The following PCDH7 variants were observed in gnomAD, a reference collection of about 807,000 sequenced individuals.
PCDH7 encodes protocadherin-7.
In PCDH7, 17 loss-of-function variants were observed where a neutral mutation model predicts 58.9. That is an observed-to-expected ratio of 0.29 (90% confidence interval 0.20 to 0.43). The LOEUF is 0.43. Among genes scored for constraint, PCDH7 ranks in the 20% least tolerant of loss-of-function variants. The pLI is 1.00. For missense variants in PCDH7, 1,274 were observed against 1,441.0 expected, an observed-to-expected ratio of 0.88 and a Z score of 1.88; for synonymous variants, 664 against 616.4, an observed-to-expected ratio of 1.08 and a Z score of -1.14.
At chr4:31,014,705 A>G (rs1490200883) in intron 3 of PCDH7, among the ~76,000 whole-genome samples, 1 of 152,194 alleles carries the variant, frequency 6.6e-6, no homozygotes, top group Non-Finnish European at 1.5e-5. Context: ...TATGTAATGT[A>G]TTCTATAAAA....
intron 3 of PCDH7, among the ~76,000 whole-genome samples, chr4:31,138,764 A>G: frequency 6.6e-6 from 1 of 152,064 alleles, no homozygotes; most frequent in African/African-American, 2.4e-5. Flanking sequence ...TTGAGGTCAG[A>G]AGTTCAAGAC....
intron 3 of PCDH7, among the ~76,000 whole-genome samples, chr4:30,963,396 C>A (rs1748667725): frequency 6.6e-6 from 1 of 152,108 alleles, no homozygotes; most frequent in Non-Finnish European, 1.5e-5. Context: ...GTTTTCCAAG[C>A]TCTCCATGAT....
At chr4:31,104,689 G>A (rs747429650) in intron 3 of PCDH7, among the ~76,000 whole-genome samples, 3 of 152,264 alleles carry the variant, frequency 2.0e-5, no homozygotes, top group East Asian at 1.9e-4. Flanking sequence ...TTCTAAGAGC[G>A]ACGTGGTCTA....
At chr4:30,838,931 TC>T (rs1730868075) in intron 1 of PCDH7, among the ~76,000 whole-genome samples, 1 of 152,090 alleles carries the variant, frequency 6.6e-6, no homozygotes, top group Non-Finnish European at 1.5e-5. Flanking sequence ...CCTACTTTCT[TC>T]CTACCTTCCT....
At chr4:30,815,045 G>C (rs1167468544) in intron 1 of PCDH7, among the ~76,000 whole-genome samples, 1 of 152,012 alleles carries the variant, frequency 6.6e-6, no homozygotes, top group Non-Finnish European at 1.5e-5. Flanking sequence ...TAATAAAAAA[G>C]AGAATACAGC....
At chr4:30,942,481 A>C (rs945544698) in intron 2 of PCDH7, among the ~76,000 whole-genome samples, 1 of 151,980 alleles carries the variant, frequency 6.6e-6, no homozygotes, top group South Asian at 2.1e-4. Context: ...TCAGTGGAAA[A>C]TCTTTATTTT....
At chr4:30,902,473 TTTA>T (rs1453492242) in intron 1 of PCDH7, among the ~76,000 whole-genome samples, 2 of 152,166 alleles carry the variant, frequency 1.3e-5, no homozygotes, top group Admixed American at 1.3e-4. Flanking sequence ...AATTACATGC[TTTA>T]TTATTAATGC....
intron 1 of PCDH7, among the ~76,000 whole-genome samples, chr4:30,764,273 T>A (rs1720412832): frequency 1.3e-5 from 2 of 152,122 alleles, no homozygotes; most frequent in African/African-American, 4.8e-5. Flanking sequence ...TGATAATGAG[T>A]CTTCATGTAT....
intron 1 of PCDH7, among the ~76,000 whole-genome samples, chr4:30,896,888 G>GTTTTTTTT (rs1411830166): frequency 1.2e-4 from 2 of 17,364 alleles, no homozygotes; most frequent in Non-Finnish European, 2.3e-4. Flanking sequence ...CTAGTTCTTT[G>GTTTTTTTT]CTTTTTTTTT....
intron 3 of PCDH7, among the ~76,000 whole-genome samples, chr4:30,994,547 A>G (rs751393972): frequency 7.2e-5 from 11 of 152,216 alleles, no homozygotes; most frequent in Non-Finnish European, 1.6e-4. Flanking sequence ...TTTGAAAATC[A>G]GCTTTCTAAT....
chr4:30,991,643 T>G (rs1751474018), intron 3 of PCDH7, among the ~76,000 whole-genome samples: 1 of 152,166 alleles, frequency 6.6e-6, no homozygotes. Context: ...TGTTTTTAAT[T>G]TAGTATTTGA....
At chr4:31,054,107 A>G (rs1756961497) in intron 3 of PCDH7, among the ~76,000 whole-genome samples, 1 of 152,058 alleles carries the variant, frequency 6.6e-6, no homozygotes, top group African/African-American at 2.4e-5. Context: ...CTGGGACTAC[A>G]GGCACATACC....
intron 3 of PCDH7, among the ~76,000 whole-genome samples, chr4:30,975,209 CA>C (rs1187431492): frequency 3.6e-4 from 52 of 146,450 alleles, no homozygotes; most frequent in African/African-American, 1.2e-3. Context: ...AATCTCCTAC[CA>C]AAAACTTAAA....
chr4:30,991,196 T>A (rs1185828746), intron 3 of PCDH7, among the ~76,000 whole-genome samples: 1 of 152,184 alleles, frequency 6.6e-6, no homozygotes, highest in African/African-American at 2.4e-5. Flanking sequence ...GGAAATGTTG[T>A]GAGTTTGAAA....
chr4:30,817,882 C>T (rs1727896895), intron 1 of PCDH7, among the ~76,000 whole-genome samples: 1 of 152,156 alleles, frequency 6.6e-6, no homozygotes, highest in Non-Finnish European at 1.5e-5. Flanking sequence ...ATTCAAATTA[C>T]TCCTCTGCTT....
intron 1 of PCDH7, among the ~76,000 whole-genome samples, chr4:30,771,352 C>G (rs1425246892): frequency 6.6e-6 from 1 of 152,136 alleles, no homozygotes; most frequent in Non-Finnish European, 1.5e-5. Context: ...AACATAAGCC[C>G]TTGCATTCTG....
chr4:30,810,346 T>C lies in PCDH7; in HGVS notation c.70+85750T>C, dbSNP rs189355984. Reference sequence around the variant, plus strand: ...GAATATGTTACATCTGTAGTTCATTTTCATTTAATAAGTAGACATATAGCA... The same window carrying C: ...GAATATGTTACATCTGTAGTTCATTCTCATTTAATAAGTAGACATATAGCA... On this transcript the variant is annotated intron_variant, in intron 1 of 3. Transcript: ENST00000509759. Among the ~76,000 whole-genome samples, 964 of 152,278 alleles carry C rather than the reference T, an allele frequency of 6.3e-3. 12 individuals carry two copies. Among genetic ancestry groups the C allele is most frequent in the African/African-American group, 0.022 (897 of 41,564 alleles).
At chr4:30,847,146 A>C (rs1732074286) in intron 1 of PCDH7, among the ~76,000 whole-genome samples, 4 of 152,068 alleles carry the variant, frequency 2.6e-5, no homozygotes, top group Admixed American at 2.6e-4. Flanking sequence ...AAGTAAAAAA[A>C]AAAGAATGCA....
intron 3 of PCDH7, among the ~76,000 whole-genome samples, chr4:30,975,812 A>G (rs1432695301): frequency 6.6e-6 from 1 of 152,192 alleles, no homozygotes; most frequent in African/African-American, 2.4e-5. Context: ...TGTCACTCCC[A>G]TATCCCTTTG....
Sources: gnomAD v4.1 joint callset for allele counts (sites outside exome capture counted in the v4.1 genomes callset) on GRCh38, gnomAD v4.1.1 for gene constraint, MANE v1.5 for transcripts, NCBI Gene and HGNC (gene_info 2026-07-23, HGNC 2026-07-21) for gene names.